The following MMP16 variants were observed in gnomAD, a reference collection of about 807,000 sequenced individuals.
The protein encoded by MMP16 is matrix metallopeptidase 16.
Under a neutral mutation model 67.8 loss-of-function variants are expected in MMP16, and 12 were observed. The observed-to-expected ratio is 0.18, with a 90% CI of 0.11 to 0.29. The LOEUF (loss-of-function observed/expected upper bound fraction) is 0.29. MMP16 is among the 10% of genes least tolerant of loss of function. The pLI is 1.00. For synonymous variants in MMP16, 249 were observed against 255.9 expected, an observed-to-expected ratio of 0.97 and a Z score of 0.26; for missense variants, 475 against 765.7, an observed-to-expected ratio of 0.62 and a Z score of 4.48.
intron 9 of MMP16, among the ~76,000 whole-genome samples, chr8:88,043,267 CTG>C (rs1247375686): frequency 1.3e-5 from 2 of 152,050 alleles, no homozygotes; most frequent in African/African-American, 4.8e-5. Context: ...TTTTTTAAGA[CTG>C]GGTCCTTTAC....
intron 4 of MMP16, among the ~76,000 whole-genome samples, chr8:88,123,100 G>T (rs555061841): frequency 5.3e-5 from 8 of 152,014 alleles, no homozygotes; most frequent in Non-Finnish European, 7.4e-5. Context: ...GTTTTAAGTT[G>T]CTGGATTTTG....
At chr8:88,213,348 T>G (rs1563563960) in intron 1 of MMP16, among the ~76,000 whole-genome samples, 1 of 152,110 alleles carries the variant, frequency 6.6e-6, no homozygotes, top group African/African-American at 2.4e-5. Flanking sequence ...TGAGAAAAAA[T>G]GCTTTATAAA....
chr8:88,294,513 C>CACACATGTATATGTCTCTAT (rs1810981359), intron 1 of MMP16, among the ~76,000 whole-genome samples: 3 of 145,602 alleles, frequency 2.1e-5, no homozygotes, highest in Non-Finnish European at 3.0e-5. Context: ...TATGTCTCTA[C>CACACATGTATATGTCTCTAT]ACACACATGT....
At chr8:88,313,622 G>GC (rs1811332907) in intron 1 of MMP16, among the ~76,000 whole-genome samples, 2 of 152,108 alleles carry the variant, frequency 1.3e-5, no homozygotes, top group African/African-American at 2.4e-5. Context: ...ATTAAGAAAA[G>GC]CGTTATTCTT....
chr8:88,247,468 G>C (rs1197790345), intron 1 of MMP16, among the ~76,000 whole-genome samples: 1 of 152,092 alleles, frequency 6.6e-6, no homozygotes, highest in Non-Finnish European at 1.5e-5. Context: ...GTTCAAGTCA[G>C]CTCTTGTGCA....
At chr8:88,317,779 G>T (rs1330094799) in intron 1 of MMP16, among the ~76,000 whole-genome samples, 1 of 152,004 alleles carries the variant, frequency 6.6e-6, no homozygotes, top group Non-Finnish European at 1.5e-5. Flanking sequence ...CAATCTTAGG[G>T]CCTGAAGATT....
chr8:88,220,133 T>C (rs1809655332), intron 1 of MMP16, among the ~76,000 whole-genome samples: 3 of 152,102 alleles, frequency 2.0e-5, no homozygotes, highest in South Asian at 2.1e-4. Context: ...TTTTAATATA[T>C]AGAAATTCTT....
chr8:88,186,454 G>A (rs1453312646), intron 3 of MMP16, 22 bp downstream of exon 3: 5 of 1,612,046 alleles, frequency 3.1e-6, no homozygotes, highest in Non-Finnish European at 3.4e-6. Context: ...GAAAAGGGGA[G>A]ATTAATCGTG....
chr8:88,326,844 C>T, intron 1 of MMP16: 1 of 466,312 alleles, frequency 2.1e-6, no homozygotes, highest in Admixed American at 3.3e-5. Flanking sequence ...ACAATTGTGT[C>T]TTTGAGCGCG....
chr8:88,138,231 T>C (rs762899140), intron 4 of MMP16, among the ~76,000 whole-genome samples: 1 of 151,960 alleles, frequency 6.6e-6, no homozygotes, highest in African/African-American at 2.4e-5. Flanking sequence ...AGACTTAAAA[T>C]TGGGCAAATC....
At chr8:88,185,362 G>A (rs1328026946) in intron 3 of MMP16, among the ~76,000 whole-genome samples, 1 of 152,100 alleles carries the variant, frequency 6.6e-6, no homozygotes, top group Non-Finnish European at 1.5e-5. Context: ...GGGAGGCTAA[G>A]GCAGGAGAAT....
chr8:88,268,338 G>T (rs1810510886), intron 1 of MMP16, among the ~76,000 whole-genome samples: 1 of 152,240 alleles, frequency 6.6e-6, no homozygotes, highest in Admixed American at 6.5e-5. Flanking sequence ...ATGGAACTCT[G>T]TCTCAAAAAG....
At position 88,035,566 on chromosome 8, in the gene MMP16, AT is replaced by A. The variant is rs1808043946; in HGVS notation, c.*5894del. 6.6e-6 allele frequency: 1 copy of A among 152,008 alleles called. No individual in the cohort carries two copies. The allele number at this position is 152,008 out of a possible 1,614,324, so 9.4% of individuals were successfully genotyped here. ...TATGCCCTTATTTGCCTTAGAAAAC[AT>A]TAGTTATGAATGTCTGTGAAGTCTC... On this transcript the variant is annotated 3_prime_UTR_variant, in exon 10 of 10. Coordinates refer to ENST00000286614, the MANE Select transcript of MMP16 (RefSeq NM_005941.5). This position sits in a 1 kb window ranked among gnomAD's most constrained non-coding sequence, Gnocchi z 4.7.
chr8:88,054,444 C>T (rs1808307405), intron 8 of MMP16, among the ~76,000 whole-genome samples: 1 of 152,152 alleles, frequency 6.6e-6, no homozygotes, highest in Non-Finnish European at 1.5e-5. Context: ...TTAGTGGCCA[C>T]TATGCAGTGG....
chr8:88,066,472 T>TATAA (rs974723237), intron 7 of MMP16, among the ~76,000 whole-genome samples: 2 of 152,202 alleles, frequency 1.3e-5, no homozygotes, highest in African/African-American at 4.8e-5. Flanking sequence ...AAACACCTTA[T>TATAA]GAGCATAAAG....
At chr8:88,323,502 T>C (rs1811491357) in intron 1 of MMP16, among the ~76,000 whole-genome samples, 2 of 152,266 alleles carry the variant, frequency 1.3e-5, no homozygotes, top group African/African-American at 4.8e-5. Context: ...AACAACAAAA[T>C]CAATTTTTGC....
intron 4 of MMP16, among the ~76,000 whole-genome samples, chr8:88,157,717 A>G (rs1186584793): frequency 2.6e-5 from 4 of 152,040 alleles, no homozygotes; most frequent in Admixed American, 6.6e-5. Context: ...ACATGTGCAC[A>G]ATGTGCAGGT....
intron 1 of MMP16, among the ~76,000 whole-genome samples, chr8:88,324,073 C>G (rs1251013795): frequency 6.6e-6 from 1 of 151,986 alleles, no homozygotes; most frequent in Non-Finnish European, 1.5e-5. Flanking sequence ...TGAGTATATA[C>G]TGAAAACTTA....
At chr8:88,277,531 T>C (rs1166725804) in intron 1 of MMP16, among the ~76,000 whole-genome samples, 4 of 151,926 alleles carry the variant, frequency 2.6e-5, no homozygotes, top group African/African-American at 7.2e-5. Flanking sequence ...GGATCGACTA[T>C]AGCTGAAACT....
Sources: gnomAD v4.1 joint callset for allele counts (sites outside exome capture counted in the v4.1 genomes callset) on GRCh38, gnomAD v4.1.1 for gene constraint, Gnocchi (gnomAD v3.1) non-coding constraint, MANE v1.5 for transcripts, NCBI Gene and HGNC (gene_info 2026-07-23, HGNC 2026-07-21) for gene names.